RABGGTA: variants seen among roughly 807,000 people sequenced by gnomAD.
RABGGTA encodes the protein Rab geranylgeranyltransferase subunit alpha, also known as geranylgeranyl transferase type-2 subunit alpha.
A neutral mutation model predicts 83.3 loss-of-function variants in RABGGTA; 69 were observed. The observed-to-expected ratio is 0.83, with a 90% CI of 0.68 to 1.01. The LOEUF is 1.01. RABGGTA is among the 50% of genes least tolerant of loss of function. RABGGTA has a pLI of 0.00. For synonymous variants in RABGGTA, 310 were observed against 299.8 expected, an observed-to-expected ratio of 1.03 and a Z score of -0.35; for missense variants, 681 against 712.7, an observed-to-expected ratio of 0.96 and a Z score of 0.51.
At chr14:24,266,957 CATTT>C (rs990414196) in intron 14 of RABGGTA, 68 bp from the exon 15 acceptor site, 2 of 1,173,366 alleles carry the variant, frequency 1.7e-6, no homozygotes, top group African/African-American at 3.0e-5. Context: ...CCTCGGCCAG[CATTT>C]ATTAGGCACA....
Position 24,270,360 on chromosome 14 carries a change from C to G in RABGGTA, c.213G>C (p.Glu71Asp). ...TCTGAGTCTCCAGCTGCTGGAGCACCTCTCGTCGGCAGTTCCAGAGGGTGG... is the reference window on the plus strand; with the variant it reads ...TCTGAGTCTCCAGCTGCTGGAGCACGTCTCGTCGGCAGTTCCAGAGGGTGG... Reference protein sequence around the residue: ...DFATLWNCRREVLQQLETQKS... With the variant: ...DFATLWNCRRDVLQQLETQKS... Residue 71 changes from glutamate (E) to aspartate (D), a missense_variant, in exon 4 of 17, where the codon GAG (glutamate) becomes GAC (aspartate). Around this residue, in one of 5 missense-constraint regions of RABGGTA, gnomAD observed 115 missense variants for 111.5 expected, o/e 1.03. Transcript: ENST00000216840. 1.2e-6 allele frequency: 2 copies of G among 1,612,800 alleles called. No individual in the cohort carries two copies. Among genetic ancestry groups the G allele is most frequent in the Non-Finnish European group, 1.7e-6 (2 of 1,179,370 alleles).
At chr14:24,267,387 C>T (rs886195740) in intron 14 of RABGGTA, among the ~76,000 whole-genome samples, 3 of 152,184 alleles carry the variant, frequency 2.0e-5, no homozygotes, top group African/African-American at 7.2e-5. Flanking sequence ...GAGGAGTGGG[C>T]TAGCGGTCAC....
intron 8 of RABGGTA, 38 bp from the exon 9 acceptor site, chr14:24,268,864 C>G (rs1363342033): frequency 6.4e-7 from 1 of 1,567,634 alleles, no homozygotes. Context: ...CCATCAGCAC[C>G]AGGCCCACAG....
Position 24,267,873 on chromosome 14 carries a change from G to C in RABGGTA, c.1233C>G (p.Leu411=). 3.7e-6 allele frequency: 6 copies of C among 1,613,586 alleles called. No homozygotes were observed. Among genetic ancestry groups the C allele is most frequent in the Non-Finnish European group, 5.1e-6 (6 of 1,179,732 alleles). ...CTGTTCTGCAGACAGAACTTGCCTTGAGGGTCTGGAAGTACTGCAGGGTCT... is the reference window on the plus strand; with the variant it reads ...CTGTTCTGCAGACAGAACTTGCCTTCAGGGTCTGGAAGTACTGCAGGGTCT... The part of the protein sequence containing the change: ...EKETLQYFQT[L]KAVDPMRATY... Residue 411 remains leucine (L), a synonymous_variant, in exon 13 of 17, where the codon CTC becomes CTG. Coordinates refer to ENST00000216840, the MANE Select transcript of RABGGTA (RefSeq NM_182836.3).
chr14:24,269,424 G>C, intron 6 of RABGGTA, 67 bp downstream of exon 6: 1 of 1,496,854 alleles, frequency 6.7e-7, no homozygotes, highest in South Asian at 1.1e-5. Context: ...TTCAGGAACA[G>C]GGTCAGGCAT....
Position 24,266,823 on chromosome 14 carries a change from G to C in RABGGTA, c.1420C>G (p.Arg474Gly). 2.5e-6 allele frequency: 4 copies of C among 1,613,914 alleles called. No individual in the cohort carries two copies. Among genetic ancestry groups the C allele is most frequent in the Non-Finnish European group, 3.4e-6 (4 of 1,179,856 alleles). The stretch of plus-strand genomic sequence containing the variant: ...AGTGCAGGTGGCAGGGTTCGGAGGC[G>C]ATTGTGTGACAAGTCAAGATGGGTG... The part of the protein sequence containing the change: ...LVTHLDLSHN[R>G]LRTLPPALAA... Residue 474 changes from arginine (R) to glycine (G), a missense_variant, in exon 15 of 17, where the codon CGC becomes GGC. Around this residue, in one of 5 missense-constraint regions of RABGGTA, gnomAD observed 421 missense variants for 418.5 expected, o/e 1.01. Transcript: ENST00000216840.
At position 24,267,872 on chromosome 14, in the gene RABGGTA, T is replaced by A; in HGVS notation, c.1234A>T (p.Lys412Ter). The change falls in exon 13 of 17, where the codon AAG (lysine) becomes TAG (stop). Residue 412 changes from lysine (K) to a stop codon, truncating the protein, a stop_gained and splice_region_variant. Transcript: ENST00000216840. LOFTEE classifies it high-confidence loss of function. ...TCTGTTCTGCAGACAGAACTTGCCT[T>A]GAGGGTCTGGAAGTACTGCAGGGTC... is the stretch of plus-strand genomic sequence containing the variant. ...KETLQYFQTLKAVDPMRATYL... is the reference protein window; with the variant it reads ...KETLQYFQTL The A allele has an allele frequency of 6.2e-7, 1 of 1,613,580 alleles. No individual in the cohort carries two copies. Among genetic ancestry groups the A allele is most frequent in the East Asian group, 2.2e-5 (1 of 44,872 alleles).
Position 24,266,760 on chromosome 14 carries a change from G to A in RABGGTA, c.1467+16C>T, listed in dbSNP as rs534126074. 2 of 1,593,742 alleles carry A rather than the reference G, an allele frequency of 1.3e-6. No individual in the cohort carries two copies. Among genetic ancestry groups the A allele is most frequent in the Non-Finnish European group, 1.7e-6 (2 of 1,161,898 alleles). On this transcript the variant is annotated intron_variant, in intron 15 of 16. Transcript: ENST00000216840. ...AAGAACCACCCGTGACAGGGACGGA[G>A]ACATGGGTACTTTACCTCAAGGCAG...
intron 6 of RABGGTA, 43 bp downstream of exon 6, chr14:24,269,448 G>A: frequency 6.6e-7 from 1 of 1,521,946 alleles, no homozygotes; most frequent in Non-Finnish European, 9.1e-7. Flanking sequence ...GGCTGGAAGG[G>A]TGGCACTGCA....
In RABGGTA at chr14:24,270,847, A is replaced by G. The variant is rs2040939221; in HGVS notation, c.104T>C (p.Val35Ala). ...LKLYQSATQA[V>A]FQKRQAGELD... ...CTCTGAGGGCCCCACCTTCTGGAAT[A>G]CGGCCTGGGTGGCTGACTGGTATAG... The change falls in exon 3 of 17, where the codon GTA (valine) becomes GCA (alanine). Residue 35 changes from valine (V) to alanine (A), a missense_variant. By Grantham distance (64) the Val-to-Ala change is moderately conservative. This residue lies in a region of RABGGTA where 115 missense variants were observed against 111.5 expected (regional missense o/e 1.03). Transcript: ENST00000216840. 2 of 1,613,836 alleles carry G rather than the reference A, an allele frequency of 1.2e-6. No individual in the cohort carries two copies. The highest frequency in any genetic ancestry group is 1.7e-6 in the Non-Finnish European group (2 of 1,179,810).
rs763041291 is a variant in RABGGTA, at chr14:24,265,767, G to A, written c.1556-4C>T. Reference sequence around the variant, plus strand: ...AGCACTGCAGGCTGCTGGAGGCCTTGTTCAGGAGAGTCAAGGAAAGCTTGG... The same window carrying A: ...AGCACTGCAGGCTGCTGGAGGCCTTATTCAGGAGAGTCAAGGAAAGCTTGG... On this transcript the variant is annotated splice_region_variant and splice_polypyrimidine_tract_variant and intron_variant, in intron 16 of 16. Transcript: ENST00000216840. The A allele has an allele frequency of 1.9e-6, 3 of 1,602,692 alleles. No homozygotes were observed. Among genetic ancestry groups the A allele is most frequent in the Non-Finnish European group, 2.6e-6 (3 of 1,174,484 alleles).
chr14:24,267,374 T>C (rs2040887096), intron 14 of RABGGTA, among the ~76,000 whole-genome samples: 1 of 151,932 alleles, frequency 6.6e-6, no homozygotes, highest in African/African-American at 2.4e-5. Context: ...CTGGAATGTG[T>C]GGGAGGAGTG....
At chr14:24,268,239 C>T (rs776664277) in intron 11 of RABGGTA, 41 bp from the exon 12 acceptor site, 2 of 1,608,742 alleles carry the variant, frequency 1.2e-6, no homozygotes, top group African/African-American at 2.7e-5. Flanking sequence ...GGCCCACAGC[C>T]CTGAAGCACT....
In RABGGTA at chr14:24,270,909, C is replaced by T. The variant is rs369125859; in HGVS notation, c.42G>A (p.Ala14=). The stretch of plus-strand genomic sequence containing the variant: ...GCTCTCGCTCTAGCCTTTTGGCCTC[C>T]GCCTGCTCTTCTGACGTCTTCACCT... ...RLKVKTSEEQ[A]EAKRLEREQK... Residue 14 remains alanine, a synonymous_variant, in exon 3 of 17, where the codon GCG becomes GCA. Coordinates refer to ENST00000216840, the MANE Select transcript of RABGGTA (RefSeq NM_182836.3). The T allele has an allele frequency of 5.0e-6, 8 of 1,613,884 alleles. No individual in the cohort carries two copies. The highest frequency in any genetic ancestry group is 2.2e-5 in the East Asian group (1 of 44,900).
chr14:24,269,000 G>C lies in RABGGTA; in HGVS notation c.716-7C>G. 6.3e-7 allele frequency: 1 copy of C among 1,580,692 alleles called. No individual in the cohort carries two copies. Among genetic ancestry groups the C allele is most frequent in the Admixed American group, 1.8e-5 (1 of 55,612 alleles). ...AGTGCATCCTGGGGGTCAGCTGCGGGGAGACAGTGTCAGATTTCTTTAAAC... is the reference window on the plus strand; with the variant it reads ...AGTGCATCCTGGGGGTCAGCTGCGGCGAGACAGTGTCAGATTTCTTTAAAC... On this transcript the variant is annotated splice_region_variant and splice_polypyrimidine_tract_variant and intron_variant, in intron 7 of 16. Transcript: ENST00000216840.
rs200199139 is a variant in RABGGTA at position 24,268,390 on chromosome 14, G to A, written c.1037C>T (p.Thr346Met). The A allele has an allele frequency of 2.0e-5, 33 of 1,613,322 alleles. No homozygotes were observed. Among genetic ancestry groups the A allele is most frequent in the African/African-American group, 5.3e-5 (4 of 74,922 alleles). The change falls in exon 11 of 17, where the codon ACG (threonine) becomes ATG (methionine). Residue 346 changes from threonine to methionine, a missense_variant. Physicochemically the swap from Thr to Met is moderately conservative, Grantham distance 81 (BLOSUM62 -1). This residue lies in a region of RABGGTA where 421 missense variants were observed against 418.5 expected (regional missense o/e 1.01). Transcript: ENST00000216840. ...GRQEGWCRDS[T>M]TDEQLFRCEL... ...CCACCTGAATAGCTGCTCGTCTGTC[G>A]TGGAGTCCCGGCACCAGCCCTCCTG...
intron 15 of RABGGTA, 93 bp from the exon 16 acceptor site, chr14:24,266,610 A>T: frequency 3.8e-6 from 5 of 1,326,716 alleles, no homozygotes; most frequent in Non-Finnish European, 5.4e-6. Flanking sequence ...TCCACAGAGC[A>T]CAGAGGGGCT....
chr14:24,269,863 A>T (rs980195727), intron 5 of RABGGTA, 90 bp downstream of exon 5: 1 of 1,504,508 alleles, frequency 6.6e-7, no homozygotes, highest in Non-Finnish European at 9.0e-7. Flanking sequence ...CCCATCCTGG[A>T]TATCCCTCCC....
In RABGGTA at chr14:24,267,652, G is replaced by C. The variant is rs1476122637; in HGVS notation, c.1353+8C>G. 2 of 1,605,272 alleles carry C rather than the reference G, an allele frequency of 1.2e-6. No homozygotes were observed. Among genetic ancestry groups the C allele is most frequent in the Non-Finnish European group, 1.7e-6 (2 of 1,175,966 alleles). On this transcript the variant is annotated splice_region_variant and intron_variant, in intron 14 of 16. Coordinates refer to ENST00000216840, the MANE Select transcript of RABGGTA (RefSeq NM_182836.3). ...GGGCCAGGGGAAGGCATGCATGGCAGCCCATACCTTGTGAGCCAGGTGCAG... is the reference window on the plus strand; with the variant it reads ...GGGCCAGGGGAAGGCATGCATGGCACCCCATACCTTGTGAGCCAGGTGCAG...
Sources: gnomAD v4.1 joint callset for allele counts (sites outside exome capture counted in the v4.1 genomes callset) on GRCh38, gnomAD v4.1.1 for gene constraint, gnomAD v4.1.1 regional missense constraint, MANE v1.5 for transcripts, NCBI Gene and HGNC (gene_info 2026-07-23, HGNC 2026-07-21) for gene names.